PATJ: variants seen among roughly 807,000 people sequenced by gnomAD.
PATJ encodes PATJ crumbs cell polarity complex component, also known as inaD-like protein.
In PATJ, 190 loss-of-function variants were observed where a neutral mutation model predicts 224.9. That is an observed-to-expected ratio of 0.84 (90% CI 0.75 to 0.95). PATJ has a LOEUF of 0.95. PATJ is among the 40% of genes least tolerant of loss of function. PATJ has a pLI of 0.00. For synonymous variants in PATJ, 769 were observed against 820.3 expected (o/e 0.94, Z 1.07); for missense variants, 2,121 against 2,270.3 (o/e 0.93, Z 1.34).
chr1:61,843,139 A>C (rs1197441870), intron 17 of PATJ, among the ~76,000 whole-genome samples: 1 of 152,164 alleles, frequency 6.6e-6, no homozygotes, highest in Non-Finnish European at 1.5e-5. Flanking sequence ...ATGATGCTTG[A>C]AAGCAGATTG....
intron 14 of PATJ, among the ~76,000 whole-genome samples, chr1:61,810,966 T>C (rs1008367411): frequency 6.6e-6 from 1 of 152,130 alleles, no homozygotes; most frequent in African/African-American, 2.4e-5. Context: ...TATTAATTAC[T>C]GCATTATAGT....
chr1:62,039,732 G>A (rs1219513829), intron 30 of PATJ, among the ~76,000 whole-genome samples: 1 of 152,144 alleles, frequency 6.6e-6, no homozygotes. Context: ...TGCTTTAAGG[G>A]TAACTGCTTC....
intron 18 of PATJ, 64 bp from the exon 19 acceptor site, chr1:61,861,487 C>G: frequency 1.3e-6 from 1 of 744,268 alleles, no homozygotes; most frequent in Non-Finnish European, 2.3e-6. Context: ...AATGCTCTCC[C>G]TCCCCTTGCT....
At chr1:61,917,026 A>G (rs1407865962) in intron 26 of PATJ, among the ~76,000 whole-genome samples, 2 of 152,190 alleles carry the variant, frequency 1.3e-5, no homozygotes, top group Non-Finnish European at 2.9e-5. Context: ...AACATTATCC[A>G]TGGAAGCAAC....
rs1016404862 is a variant in PATJ at position 61,808,637 on chromosome 1, C to T, written c.1683+107C>T. On this transcript the variant is annotated intron_variant, in intron 14 of 43. Coordinates refer to ENST00000642238, the MANE Select transcript of PATJ (RefSeq NM_001350145.3). ...AACTCATAGGCTAAAGTGATCCTCC[C>T]GTGTTTCCCTCCCAAAGTGTTAGGA... 1.1e-4 allele frequency: 75 copies of T among 671,238 alleles called. 1 individual carries two copies. Among genetic ancestry groups the T allele is most frequent in the Non-Finnish European group, 1.6e-4 (62 of 385,278 alleles). The allele number at this position is 671,238 out of a possible 1,614,324, so 41.6% of individuals were successfully genotyped here.
intron 27 of PATJ, among the ~76,000 whole-genome samples, chr1:61,986,609 C>G (rs939430634): frequency 6.6e-6 from 1 of 151,922 alleles, no homozygotes; most frequent in Admixed American, 6.6e-5. Flanking sequence ...TTTGTACAAA[C>G]GGGGTCTCGC....
chr1:61,914,570 T>C lies in PATJ; in HGVS notation c.3493-17T>C, dbSNP rs756919939. The stretch of plus-strand genomic sequence containing the variant: ...TTAAACGTTTTCTTCCCCCCACCCC[T>C]TTTTTTGTCACCATAGGTCATTCCT... On this transcript the variant is annotated splice_polypyrimidine_tract_variant and intron_variant, in intron 25 of 43. Transcript: ENST00000642238. 7.7e-7 allele frequency: 1 copy of C among 1,292,002 alleles called. No homozygotes were observed. Among genetic ancestry groups the C allele is most frequent in the Non-Finnish European group, 1.1e-6 (1 of 920,502 alleles). The allele number at this position is 1,292,002 out of a possible 1,614,324, so 80.0% of individuals were successfully genotyped here.
intron 20 of PATJ, among the ~76,000 whole-genome samples, chr1:61,867,358 T>C (rs35318456): frequency 0.094 from 14,247 of 152,234 alleles, 748 homozygotes; most frequent in South Asian, 0.15. Context: ...CTAGCTTCCC[T>C]CTTTTTATTT....
intron 30 of PATJ, among the ~76,000 whole-genome samples, chr1:62,047,288 T>C (rs1021014366): frequency 1.3e-5 from 2 of 152,096 alleles, no homozygotes; most frequent in Non-Finnish European, 2.9e-5. Context: ...ACGGAGTCTC[T>C]CTCTGTTGCC....
chr1:61,810,012 T>A (rs11580167), intron 14 of PATJ, among the ~76,000 whole-genome samples: 32 of 151,604 alleles, frequency 2.1e-4, no homozygotes, highest in East Asian at 2.0e-3. Flanking sequence ...CACCCCCGGC[T>A]AATTTTTTTC....
chr1:61,869,162 A>G (rs1316702862), intron 20 of PATJ, among the ~76,000 whole-genome samples: 11 of 134,124 alleles, frequency 8.2e-5, no homozygotes, highest in Non-Finnish European at 1.4e-4. Flanking sequence ...GCTGGAGTGC[A>G]GTGGCGCCAT....
At position 62,128,033 on chromosome 1, in the gene PATJ, T is replaced by C. The variant is rs1411853198; in HGVS notation, c.5105T>C (p.Ile1702Thr). The change falls in exon 40 of 44, where the codon ATC becomes ACC. Residue 1702 changes from isoleucine (I) to threonine (T), a missense_variant. Ile to Thr is a moderately conservative substitution (Grantham distance 89). Coordinates refer to ENST00000642238, the MANE Select transcript of PATJ (RefSeq NM_001350145.3). ...GGAAGAGGAAGTCCCTTAGGAGATATCCCCGTATTTATTGCCATGATTCAG... is the reference window on the plus strand; with the variant it reads ...GGAAGAGGAAGTCCCTTAGGAGATACCCCCGTATTTATTGCCATGATTCAG... ...AGGRGSPLGD[I>T]PVFIAMIQAS... The C allele has an allele frequency of 6.2e-7, 1 of 1,614,076 alleles. No individual in the cohort carries two copies. The highest frequency in any genetic ancestry group is 1.1e-5 in the South Asian group (1 of 91,074).
intron 33 of PATJ, among the ~76,000 whole-genome samples, chr1:62,085,284 C>T (rs905063957): frequency 7.9e-5 from 12 of 150,952 alleles, no homozygotes; most frequent in African/African-American, 1.5e-4. Flanking sequence ...CCCAGGAGGT[C>T]GAGGCTGTAG....
intron 28 of PATJ, among the ~76,000 whole-genome samples, chr1:62,009,834 C>T (rs1368367769): frequency 1.3e-5 from 2 of 152,028 alleles, no homozygotes; most frequent in Non-Finnish European, 2.9e-5. Context: ...CCTGTAATCC[C>T]AGCACTTTGG....
intron 27 of PATJ, among the ~76,000 whole-genome samples, chr1:61,955,699 T>G (rs1176215116): frequency 6.6e-6 from 1 of 152,236 alleles, no homozygotes; most frequent in Non-Finnish European, 1.5e-5. Context: ...CTAAATGCCT[T>G]ACACACATTG....
At chr1:61,800,522 T>C (rs1570577108) in intron 11 of PATJ, among the ~76,000 whole-genome samples, 1 of 152,360 alleles carries the variant, frequency 6.6e-6, no homozygotes, top group East Asian at 1.9e-4. Flanking sequence ...TCTCCCATTC[T>C]GTAGGTTGTC....
At chr1:61,744,454 G>C (rs760397921) in intron 1 of PATJ, among the ~76,000 whole-genome samples, 4 of 152,018 alleles carry the variant, frequency 2.6e-5, no homozygotes, top group Non-Finnish European at 4.4e-5. Flanking sequence ...TCTCTAGTTT[G>C]TTTGGGTTTG....
At chr1:62,073,976 G>T (rs1240477845) in intron 31 of PATJ, among the ~76,000 whole-genome samples, 2 of 151,830 alleles carry the variant, frequency 1.3e-5, no homozygotes, top group African/African-American at 4.8e-5. Flanking sequence ...TTATACTTTT[G>T]TTGCTGTTGA....
At chr1:62,093,203 C>G (rs1036973468) in intron 33 of PATJ, among the ~76,000 whole-genome samples, 5 of 152,128 alleles carry the variant, frequency 3.3e-5, no homozygotes, top group African/African-American at 1.2e-4. Context: ...CATTTGGGTA[C>G]TATGTGGCAA....
Sources: gnomAD v4.1 joint callset for allele counts (sites outside exome capture counted in the v4.1 genomes callset) on GRCh38, gnomAD v4.1.1 for gene constraint, MANE v1.5 for transcripts, NCBI Gene and HGNC (gene_info 2026-07-23, HGNC 2026-07-21) for gene names.